SLC35D4: variants seen among roughly 807,000 people sequenced by gnomAD.
SLC35D4 encodes UDP-N-acetylglucosamine transporter SLC35D4.
At chr18:23,343,589 G>T in the SLC35D4 span, among the ~76,000 whole-genome samples, 1 of 151,788 alleles carries the variant, frequency 6.6e-6, no homozygotes, top group Non-Finnish European at 1.5e-5. Flanking sequence ...TAGGTTCAGG[G>T]GTACATCCCC....
chr18:23,324,152 C>T, the SLC35D4 span, among the ~76,000 whole-genome samples: 1 of 151,934 alleles, frequency 6.6e-6, no homozygotes, highest in African/African-American at 2.4e-5. Context: ...AGTTTGCTCT[C>T]CTCCCAGCTG....
the SLC35D4 span, among the ~76,000 whole-genome samples, chr18:23,408,810 ATCTC>A: frequency 3.1e-4 from 42 of 137,000 alleles, no homozygotes; most frequent in Middle Eastern, 3.8e-3. Context: ...TCTATATCTT[ATCTC>A]TCTTTTTTTT....
the SLC35D4 span, among the ~76,000 whole-genome samples, chr18:23,311,550 T>G: frequency 6.6e-6 from 1 of 152,226 alleles, no homozygotes; most frequent in African/African-American, 2.4e-5. Flanking sequence ...CTTCTCTGCT[T>G]ATTATCCTGC....
chr18:23,400,956 G>A, the SLC35D4 span, among the ~76,000 whole-genome samples: 1 of 152,134 alleles, frequency 6.6e-6, no homozygotes, highest in Non-Finnish European at 1.5e-5. Context: ...AACTTACAAG[G>A]TGCTGAGAAT....
chr18:23,316,761 CA>C, the SLC35D4 span, among the ~76,000 whole-genome samples: 185 of 152,238 alleles, frequency 1.2e-3, 1 homozygote, highest in African/African-American at 4.3e-3. Context: ...GAAGCATCAA[CA>C]AGAGAATTAA....
At chr18:23,432,979 CAAAAAAAAAAAA>C in the SLC35D4 span, among the ~76,000 whole-genome samples, 43,567 of 98,822 alleles carry the variant, frequency 0.44, 7,196 homozygotes, top group East Asian at 0.51. Context: ...GACTCTGTCT[CAAAAAAAAAAAA>C]AAAAAAAAAA....
At chr18:23,317,754 T>C in the SLC35D4 span, among the ~76,000 whole-genome samples, 1 of 152,092 alleles carries the variant, frequency 6.6e-6, no homozygotes, top group Non-Finnish European at 1.5e-5. Flanking sequence ...TTCTTTTTTT[T>C]TTTTCAGACG....
the SLC35D4 span, among the ~76,000 whole-genome samples, chr18:23,245,845 C>G: frequency 6.6e-6 from 1 of 152,252 alleles, no homozygotes; most frequent in African/African-American, 2.4e-5. Flanking sequence ...AATGAGCACC[C>G]TTGCAAAAAA....
At chr18:23,315,083 G>T in the SLC35D4 span, among the ~76,000 whole-genome samples, 1 of 152,162 alleles carries the variant, frequency 6.6e-6, no homozygotes, top group Non-Finnish European at 1.5e-5. Flanking sequence ...GACAATCAGA[G>T]ACTTAGGTTT....
chr18:23,289,222 C>G, the SLC35D4 span, among the ~76,000 whole-genome samples: 4 of 152,234 alleles, frequency 2.6e-5, no homozygotes, highest in African/African-American at 4.8e-5. Context: ...GTGCTATCCC[C>G]AAACCTCCAC....
chr18:23,253,766 TGTGGCCTTGAGGAGCCCACG>T, the SLC35D4 span: 2 of 1,614,228 alleles, frequency 1.2e-6, no homozygotes, highest in Non-Finnish European at 1.7e-6. Context: ...GCAGGAGGAC[TGTGGCCTTGAGGAGCCCACG>T]GTGGCCATGG....
At chr18:23,366,537 C>A in the SLC35D4 span, among the ~76,000 whole-genome samples, 1 of 152,226 alleles carries the variant, frequency 6.6e-6, no homozygotes, top group South Asian at 2.1e-4. Context: ...AAATTGGAAT[C>A]TCTGAGGTGC....
At chr18:23,319,569 C>T in the SLC35D4 span, among the ~76,000 whole-genome samples, 1 of 152,186 alleles carries the variant, frequency 6.6e-6, no homozygotes, top group Non-Finnish European at 1.5e-5. Flanking sequence ...TCCTGAGTAG[C>T]TGGGATTACA....
the SLC35D4 span, among the ~76,000 whole-genome samples, chr18:23,403,715 G>A: frequency 6.6e-6 from 1 of 152,188 alleles, no homozygotes; most frequent in Admixed American, 6.6e-5. Context: ...ATTCAGTCTT[G>A]AAAATTATGA....
At chr18:23,382,173 T>C in the SLC35D4 span, among the ~76,000 whole-genome samples, 1 of 139,312 alleles carries the variant, frequency 7.2e-6, no homozygotes, top group Non-Finnish European at 1.5e-5. Flanking sequence ...CCGGGCAGCG[T>C]AGGTTACAGT....
chr18:23,398,015 T>A, the SLC35D4 span, among the ~76,000 whole-genome samples: 10 of 152,322 alleles, frequency 6.6e-5, no homozygotes, highest in African/African-American at 2.2e-4. Context: ...TGGGCTGTGA[T>A]TGTGCCACTG....
At chr18:23,297,960 G>A in the SLC35D4 span, 1 of 1,603,030 alleles carries the variant, frequency 6.2e-7, no homozygotes, top group Non-Finnish European at 8.5e-7. Flanking sequence ...AGGTGTACAA[G>A]CTGTTCTCCC....
chr18:23,319,096 G>A, the SLC35D4 span, among the ~76,000 whole-genome samples: 2 of 151,822 alleles, frequency 1.3e-5, no homozygotes, highest in East Asian at 1.9e-4. Context: ...CACCCACCTC[G>A]GCCTCCCAGA....
At chr18:23,322,221 C>A in the SLC35D4 span, among the ~76,000 whole-genome samples, 1 of 152,202 alleles carries the variant, frequency 6.6e-6, no homozygotes, top group East Asian at 1.9e-4. Flanking sequence ...TCCATCTCCA[C>A]GTGTTGTGGT....
Sources: gnomAD v4.1 joint callset for allele counts (sites outside exome capture counted in the v4.1 genomes callset) on GRCh38, gnomAD v4.1.1 for gene constraint, MANE v1.5 for transcripts, NCBI Gene and HGNC (gene_info 2026-07-23, HGNC 2026-07-21) for gene names.